SMC5: variants seen among roughly 807,000 people sequenced by gnomAD.
SMC5 encodes the protein structural maintenance of chromosomes protein 5.
SMC5 carries 88 observed loss-of-function variants against 148.3 expected under a neutral mutation model. That is an observed-to-expected ratio of 0.59 (90% CI 0.50 to 0.71). The LOEUF (loss-of-function observed/expected upper bound fraction) is 0.71. Among genes scored for constraint, SMC5 ranks in the 30% least tolerant of loss-of-function variants. The probability of loss-of-function intolerance (pLI) is 0.00; values close to 1 mark genes in which losing one functional copy is unlikely to be tolerated. For missense variants in SMC5, 1,142 were observed against 1,298.9 expected, an observed-to-expected ratio of 0.88 and a Z score of 1.86; for synonymous variants, 421 against 432.8, an observed-to-expected ratio of 0.97 and a Z score of 0.34.
At chr9:70,307,205 C>T (rs2035526835) in intron 11 of SMC5, among the ~76,000 whole-genome samples, 1 of 152,132 alleles carries the variant, frequency 6.6e-6, no homozygotes. Context: ...CCAGCCTGGC[C>T]AATGTGGTGA....
At chr9:70,326,029 A>G (rs2036067845) in intron 17 of SMC5, among the ~76,000 whole-genome samples, 1 of 152,206 alleles carries the variant, frequency 6.6e-6, no homozygotes, top group East Asian at 1.9e-4. Context: ...TTTTATTTAC[A>G]GATATAAGAG....
intron 1 of SMC5, among the ~76,000 whole-genome samples, 198 bp from the exon 2 acceptor site, chr9:70,264,106 T>G (rs1455494048): frequency 1.3e-5 from 2 of 152,218 alleles, no homozygotes; most frequent in Admixed American, 1.3e-4. Flanking sequence ...AATTATATTC[T>G]TTAGTTATGC....
At chr9:70,321,994 G>T (rs1042390047) in intron 15 of SMC5, among the ~76,000 whole-genome samples, 1 of 152,088 alleles carries the variant, frequency 6.6e-6, no homozygotes, top group Non-Finnish European at 1.5e-5. Flanking sequence ...TCATTGTCTT[G>T]AATAAGGTAT....
intron 17 of SMC5, among the ~76,000 whole-genome samples, chr9:70,340,200 C>A (rs908652850): frequency 2.6e-5 from 4 of 151,582 alleles, no homozygotes; most frequent in Non-Finnish European, 5.9e-5. Context: ...ATTCTAATAC[C>A]AAATTTAGGA....
In SMC5 at chr9:70,339,270, A is replaced by C. The variant is rs1003294795; in HGVS notation, c.2398-4874A>C. Among the ~76,000 whole-genome samples, 5 of 152,098 alleles carry C rather than the reference A, an allele frequency of 3.3e-5. No individual in the cohort carries two copies. In the South Asian group the frequency reaches 8.3e-4, roughly 25 times the overall value. ...TGGTGAAACCCCATCTCTACTAAAA[A>C]TACAAAAAATTAGCCGGGTGTGGTG... On this transcript the variant is annotated intron_variant, in intron 17 of 24. Coordinates refer to ENST00000361138, the MANE Select transcript of SMC5 (RefSeq NM_015110.4).
intron 8 of SMC5, among the ~76,000 whole-genome samples, chr9:70,293,434 C>T (rs1262332353): frequency 6.9e-6 from 1 of 145,218 alleles, no homozygotes; most frequent in Non-Finnish European, 1.5e-5. Context: ...TGATTTTTCT[C>T]TCTGTTTTCC....
At chr9:70,340,828 A>T (rs1242458536) in intron 17 of SMC5, among the ~76,000 whole-genome samples, 1 of 152,128 alleles carries the variant, frequency 6.6e-6, no homozygotes, top group African/African-American at 2.4e-5. Flanking sequence ...GTATTTCTGT[A>T]CAATTTCCAT....
At chr9:70,288,072 G>C (rs2034958645) in intron 8 of SMC5, among the ~76,000 whole-genome samples, 1 of 152,084 alleles carries the variant, frequency 6.6e-6, no homozygotes, top group South Asian at 2.1e-4. Context: ...GGCAGAAAAA[G>C]ACATAAAACT....
rs1391237198 is a variant in SMC5, at chr9:70,354,822, A to G, written c.*2491A>G. The stretch of plus-strand genomic sequence containing the variant: ...GTGTGTGCTTGTGTGTGTGTAATTG[A>G]AAAAACTGGGAAATCCTGCTTTGTT... On this transcript the variant is annotated 3_prime_UTR_variant, in exon 25 of 25. Coordinates refer to ENST00000361138, the MANE Select transcript of SMC5 (RefSeq NM_015110.4). The G allele has an allele frequency of 2.6e-5, 4 of 152,204 alleles. No individual in the cohort carries two copies. Among genetic ancestry groups the G allele is most frequent in the Non-Finnish European group, 5.9e-5 (4 of 68,028 alleles). 9.4% of individuals were successfully genotyped at this position (152,204 alleles called of 1,614,324 possible).
intron 3 of SMC5, among the ~76,000 whole-genome samples, chr9:70,270,915 G>C (rs2034432354): frequency 6.6e-6 from 1 of 152,122 alleles, no homozygotes; most frequent in African/African-American, 2.4e-5. Flanking sequence ...CCACAGTGCT[G>C]GGATTACAGG....
At chr9:70,291,757 T>G (rs1214715949) in intron 8 of SMC5, among the ~76,000 whole-genome samples, 5 of 152,128 alleles carry the variant, frequency 3.3e-5, no homozygotes, top group Non-Finnish European at 7.4e-5. Context: ...CTTATACAAC[T>G]AAGTTTTCCC....
intron 16 of SMC5, 50 bp from the exon 17 acceptor site, chr9:70,323,971 C>A: frequency 2.1e-6 from 3 of 1,433,120 alleles, no homozygotes; most frequent in South Asian, 1.5e-5. Context: ...TTTTTTAGTT[C>A]TAAAACATAG....
chr9:70,273,664 T>C (rs1326104137), intron 3 of SMC5, among the ~76,000 whole-genome samples: 3 of 152,186 alleles, frequency 2.0e-5, no homozygotes, highest in African/African-American at 7.2e-5. Flanking sequence ...TTTACTGTTT[T>C]TCAGTTCTGA....
intron 17 of SMC5, among the ~76,000 whole-genome samples, chr9:70,332,012 G>A (rs1422014395): frequency 6.6e-6 from 1 of 152,086 alleles, no homozygotes; most frequent in Non-Finnish European, 1.5e-5. Context: ...AGGATATTAA[G>A]AGAATATGAT....
At chr9:70,261,892 G>A (rs2034148475) in intron 1 of SMC5, among the ~76,000 whole-genome samples, 1 of 152,214 alleles carries the variant, frequency 6.6e-6, no homozygotes, top group African/African-American at 2.4e-5. Context: ...ATTGAAGTCA[G>A]ATAGCGGGAC....
intron 3 of SMC5, among the ~76,000 whole-genome samples, chr9:70,276,040 G>C (rs1415281682): frequency 6.6e-6 from 1 of 152,152 alleles, no homozygotes; most frequent in Non-Finnish European, 1.5e-5. Context: ...CTTTATCTGT[G>C]TTAATTCTTT....
rs1564076212 is a variant in SMC5, at chr9:70,350,120, TATG to T, written c.2899_2901del (p.Asp967del). ...CTTTTTAAATGTTTTATAGGAAGATTATGATAAATATGGAATTCGAATTAGAGT... is the reference window on the plus strand; with the variant it reads ...CTTTTTAAATGTTTTATAGGAAGATTATAAATATGGAATTCGAATTAGAGT... On this transcript the variant is annotated inframe_deletion, in exon 23 of 25. Coordinates refer to ENST00000361138, the MANE Select transcript of SMC5 (RefSeq NM_015110.4). 6.3e-7 allele frequency: 1 copy of T among 1,597,814 alleles called. No individual in the cohort carries two copies. The highest frequency in any genetic ancestry group is 1.1e-5 in the South Asian group (1 of 88,922).
chr9:70,307,149 T>TAA (rs2035524781), intron 11 of SMC5, among the ~76,000 whole-genome samples: 1 of 152,138 alleles, frequency 6.6e-6, no homozygotes, highest in African/African-American at 2.4e-5. Flanking sequence ...TCCCAGCACT[T>TAA]TAGGAGGCCA....
intron 22 of SMC5, among the ~76,000 whole-genome samples, 178 bp from the exon 23 acceptor site, chr9:70,349,936 G>A (rs180699947): frequency 4.6e-5 from 7 of 152,046 alleles, no homozygotes; most frequent in Admixed American, 3.9e-4. Context: ...GATAGTAACT[G>A]TTTGCTTAAT....
Sources: allele counts gnomAD v4.1 joint callset (sites outside exome capture counted in the v4.1 genomes callset), GRCh38; gene constraint gnomAD v4.1.1; transcripts MANE v1.5; gene names NCBI Gene and HGNC (gene_info 2026-07-23, HGNC 2026-07-21).